Variants in IGSF21 observed in about 807,000 individuals in gnomAD.
IGSF21 encodes the protein immunoglobin superfamily member 21, also known as immunoglobulin superfamily member 21.
In IGSF21, 28 loss-of-function variants were observed where a neutral mutation model predicts 46.8. The observed-to-expected ratio is 0.60, with a 90% CI of 0.44 to 0.82. IGSF21 has a LOEUF of 0.82. IGSF21 is among the 40% of genes least tolerant of loss of function. IGSF21 has a pLI of 0.00. For missense variants in IGSF21, 624 were observed against 665.5 expected (o/e 0.94, Z 0.69); for synonymous variants, 284 against 273.6 (o/e 1.04, Z -0.38).
chr1:18,211,720 AT>A (rs1570342392), intron 1 of IGSF21, among the ~76,000 whole-genome samples: 2 of 152,200 alleles, frequency 1.3e-5, no homozygotes, highest in East Asian at 3.9e-4. Context: ...ATAACCTAGC[AT>A]AGACTGTATT....
chr1:18,276,293 G>A (rs2085102298), intron 2 of IGSF21, among the ~76,000 whole-genome samples: 1 of 152,150 alleles, frequency 6.6e-6, no homozygotes, highest in African/African-American at 2.4e-5. Context: ...GGTCTGCAGG[G>A]GTCAAGGCAG....
intron 1 of IGSF21, chr1:18,115,092 A>C (rs1039495489): frequency 2.0e-5 from 3 of 152,264 alleles, no homozygotes; most frequent in Non-Finnish European, 2.9e-5. Context: ...CCCTGTCTCC[A>C]CAGTCTTGTC....
intron 1 of IGSF21, among the ~76,000 whole-genome samples, chr1:18,182,644 A>T (rs1453791827): frequency 1.3e-5 from 2 of 152,210 alleles, no homozygotes; most frequent in Non-Finnish European, 2.9e-5. Context: ...CTCTGTCACC[A>T]CTGTTGAATG....
chr1:18,263,926 A>G (rs1464308676), intron 2 of IGSF21, among the ~76,000 whole-genome samples: 1 of 152,208 alleles, frequency 6.6e-6, no homozygotes, highest in Non-Finnish European at 1.5e-5. Context: ...ATCTAAGTGG[A>G]AGCAACAACT....
intron 1 of IGSF21, among the ~76,000 whole-genome samples, chr1:18,208,624 C>T (rs1236670568): frequency 1.4e-5 from 2 of 143,426 alleles, no homozygotes; most frequent in African/African-American, 5.2e-5. Flanking sequence ...GTCTTGATCT[C>T]CTGACCTCGT....
chr1:18,191,138 C>A (rs2124476071), intron 1 of IGSF21, among the ~76,000 whole-genome samples: 1 of 152,312 alleles, frequency 6.6e-6, no homozygotes, highest in South Asian at 2.1e-4. Context: ...GGCCCCCTCA[C>A]CCATTCCTCG....
At chr1:18,212,944 A>G (rs918470823) in intron 1 of IGSF21, among the ~76,000 whole-genome samples, 1 of 152,246 alleles carries the variant, frequency 6.6e-6, no homozygotes, top group Non-Finnish European at 1.5e-5. Context: ...CAGGGAAAAG[A>G]CACTAGTATG....
intron 1 of IGSF21, among the ~76,000 whole-genome samples, chr1:18,194,930 G>A (rs147711672): frequency 3.2e-4 from 49 of 152,306 alleles, no homozygotes; most frequent in African/African-American, 1.1e-3. Context: ...GATGAATGAG[G>A]ACCAAAGTCA....
intron 1 of IGSF21, among the ~76,000 whole-genome samples, chr1:18,135,541 T>A (rs1411199866): frequency 2.6e-5 from 4 of 152,120 alleles, no homozygotes; most frequent in African/African-American, 9.7e-5. Flanking sequence ...GATAGTTTGC[T>A]GAGAATGATG....
intron 3 of IGSF21, among the ~76,000 whole-genome samples, chr1:18,305,501 G>A (rs1316086096): frequency 6.9e-6 from 1 of 145,818 alleles, no homozygotes; most frequent in African/African-American, 2.5e-5. Flanking sequence ...TGGATGGATG[G>A]ATGGATGGAT....
chr1:18,369,462 A>C (rs2086202634), intron 6 of IGSF21, among the ~76,000 whole-genome samples: 1 of 152,184 alleles, frequency 6.6e-6, no homozygotes, highest in Admixed American at 6.5e-5. Flanking sequence ...TCAGCCAGCC[A>C]AGGCTGTCTG....
In IGSF21 at chr1:18,334,854, C is replaced by T. The variant is rs370362040; in HGVS notation, c.306-38C>T. ...TTGAACGCTGCCTCACCCAGCCCCA[C>T]GATGAAGGGCCCTCACCCTGTCTTC... On this transcript the variant is annotated intron_variant, in intron 3 of 9. Coordinates refer to ENST00000251296, the MANE Select transcript of IGSF21 (RefSeq NM_032880.5). This position sits in a 1 kb window ranked among gnomAD's most constrained non-coding sequence, Gnocchi z 4.3. 7 of 1,507,594 alleles carry T rather than the reference C, an allele frequency of 4.6e-6. No individual in the cohort carries two copies. Among genetic ancestry groups the T allele is most frequent in the African/African-American group, 2.7e-5 (2 of 72,898 alleles). The allele number at this position is 1,507,594 out of a possible 1,614,324, so 93.4% of individuals were successfully genotyped here. A position where few individuals can be genotyped will look rare whatever the true frequency, so the allele number is the denominator to read the frequency against.
At chr1:18,252,217 A>G (rs1019126350) in intron 2 of IGSF21, among the ~76,000 whole-genome samples, 1 of 151,586 alleles carries the variant, frequency 6.6e-6, no homozygotes, top group Non-Finnish European at 1.5e-5. Flanking sequence ...TGCCCGGCTA[A>G]TTTTTTGTAT....
chr1:18,361,148 G>A (rs200284504), intron 4 of IGSF21, among the ~76,000 whole-genome samples: 6 of 152,052 alleles, frequency 3.9e-5, no homozygotes, highest in Non-Finnish European at 5.9e-5. Flanking sequence ...CCAAGTGTAC[G>A]GTACCATCCT....
At chr1:18,345,872 C>G (rs549963437) in intron 4 of IGSF21, among the ~76,000 whole-genome samples, 165 of 152,350 alleles carry the variant, frequency 1.1e-3, no homozygotes, top group Non-Finnish European at 1.9e-3. Flanking sequence ...GGCAGGCTGC[C>G]TGCCAAGCGC....
intron 3 of IGSF21, among the ~76,000 whole-genome samples, chr1:18,328,701 C>A (rs1485423815): frequency 6.6e-6 from 1 of 152,220 alleles, no homozygotes; most frequent in Non-Finnish European, 1.5e-5. Flanking sequence ...GGCTTCAGTT[C>A]TCAGCAAAAG....
chr1:18,265,520 C>A (rs1231736879), intron 2 of IGSF21, among the ~76,000 whole-genome samples: 1 of 152,202 alleles, frequency 6.6e-6, no homozygotes, highest in Non-Finnish European at 1.5e-5. Context: ...AAATCCAGCT[C>A]AAACCCACCC....
At chr1:18,366,574 G>A (rs141490849) in intron 6 of IGSF21, among the ~76,000 whole-genome samples, 103 of 152,296 alleles carry the variant, frequency 6.8e-4, no homozygotes, top group African/African-American at 2.4e-3. Flanking sequence ...GAGGTTGCAG[G>A]CTTTGCTGGA....
chr1:18,153,812 G>A (rs964074991), intron 1 of IGSF21, among the ~76,000 whole-genome samples: 2 of 152,122 alleles, frequency 1.3e-5, no homozygotes, highest in Non-Finnish European at 2.9e-5. Flanking sequence ...GATTCCCCAC[G>A]CAGCGTCTGC....
Sources: gnomAD v4.1 joint callset for allele counts (sites outside exome capture counted in the v4.1 genomes callset) on GRCh38, gnomAD v4.1.1 for gene constraint, Gnocchi (gnomAD v3.1) non-coding constraint, MANE v1.5 for transcripts, NCBI Gene and HGNC (gene_info 2026-07-23, HGNC 2026-07-21) for gene names.